The following CACNB4 variants were observed in gnomAD, a reference collection of about 807,000 sequenced individuals.
The protein encoded by CACNB4 is voltage-dependent L-type calcium channel subunit beta-4.
Under a neutral mutation model 71.2 loss-of-function variants are expected in CACNB4, and 32 were observed. That is an observed-to-expected ratio of 0.45 (90% CI 0.34 to 0.60). The LOEUF is 0.60. CACNB4 is among the 20% of genes least tolerant of loss of function. CACNB4 has a pLI of 0.01. For missense variants in CACNB4, 464 were observed against 647.9 expected (o/e 0.72, Z 3.08); for synonymous variants, 231 against 236.9 (o/e 0.97, Z 0.23).
Position 151,838,828 on chromosome 2 carries a change from G to T in CACNB4, c.*291C>A, listed in dbSNP as rs530993372. 1 of 217,976 alleles carries T rather than the reference G, an allele frequency of 4.6e-6. No homozygotes were observed. The highest frequency in any genetic ancestry group is 9.7e-5 in the East Asian group (1 of 10,296). The allele number at this position is 217,976 out of a possible 1,614,324, so 13.5% of individuals were successfully genotyped here. The stretch of plus-strand genomic sequence containing the variant: ...TGGGAAATTATTTTATATGTGCCTT[G>T]TAAGTACCCTAAATTACAAATTGAT... On this transcript the variant is annotated 3_prime_UTR_variant, in exon 14 of 14. Transcript: ENST00000539935.
intron 13 of CACNB4, among the ~76,000 whole-genome samples, chr2:151,840,059 C>A (rs981870721): frequency 5.3e-5 from 8 of 152,158 alleles, no homozygotes; most frequent in African/African-American, 1.9e-4. Flanking sequence ...TTGAAATTAG[C>A]ATCTTAAGAT....
intron 2 of CACNB4, among the ~76,000 whole-genome samples, chr2:152,034,137 G>A (rs1279947297): frequency 6.6e-6 from 1 of 152,318 alleles, no homozygotes; most frequent in East Asian, 1.9e-4. Context: ...AGATGGACTC[G>A]GAGTGGCTTT....
rs191510475 is a variant in CACNB4 at position 151,945,839 on chromosome 2, T to G, written c.148-62469A>C. On this transcript the variant is annotated intron_variant, in intron 2 of 13. Coordinates refer to ENST00000539935, the MANE Select transcript of CACNB4 (RefSeq NM_000726.5). ...CTGCAGTGAGCTAAGATTATTGCAC[T>G]TCAGCCTGTGTGATGGAGCAAGATG... Among the ~76,000 whole-genome samples the G allele has an allele frequency of 2.3e-3, 346 of 148,764 alleles. 3 individuals carry two copies. The highest frequency in any genetic ancestry group is 8.3e-3 in the African/African-American group (333 of 40,126).
intron 2 of CACNB4, among the ~76,000 whole-genome samples, chr2:151,914,100 T>C (rs2099856897): frequency 6.6e-6 from 1 of 152,182 alleles, no homozygotes; most frequent in Non-Finnish European, 1.5e-5. Flanking sequence ...CTCCATCTCC[T>C]TCTGGTATCC....
chr2:151,929,664 A>C (rs1338803618), intron 2 of CACNB4, among the ~76,000 whole-genome samples: 2 of 152,206 alleles, frequency 1.3e-5, no homozygotes, highest in Non-Finnish European at 2.9e-5. Context: ...GCATCAACTA[A>C]AAAAACTAAG....
At chr2:151,870,743 T>A (rs1044622919) in intron 7 of CACNB4, 99 bp downstream of exon 7, 8 of 1,220,180 alleles carry the variant, frequency 6.6e-6, no homozygotes, top group Non-Finnish European at 9.5e-6. Context: ...AGGAGGCTCT[T>A]CCCTTATTTT....
At chr2:152,095,658 T>C (rs1688225422) in intron 2 of CACNB4, among the ~76,000 whole-genome samples, 1 of 152,088 alleles carries the variant, frequency 6.6e-6, no homozygotes, top group Non-Finnish European at 1.5e-5. Flanking sequence ...TCTGTTTTTG[T>C]TTGTTTGTTT....
intron 2 of CACNB4, among the ~76,000 whole-genome samples, chr2:151,917,711 CT>C (rs1349836799): frequency 6.6e-6 from 1 of 151,754 alleles, no homozygotes; most frequent in Admixed American, 6.6e-5. Flanking sequence ...TGGCAGGTGC[CT>C]GTAATCCCAA....
At chr2:152,095,829 T>C (rs916741272) in intron 2 of CACNB4, among the ~76,000 whole-genome samples, 1 of 152,114 alleles carries the variant, frequency 6.6e-6, no homozygotes, top group African/African-American at 2.4e-5. Context: ...TTTCTTTGTA[T>C]TTTTAGTACA....
intron 2 of CACNB4, among the ~76,000 whole-genome samples, chr2:152,000,398 A>C (rs1291597623): frequency 2.0e-5 from 3 of 152,232 alleles, no homozygotes; most frequent in Non-Finnish European, 4.4e-5. Context: ...CTCATCTGTA[A>C]AATGGGAATA....
intron 2 of CACNB4, among the ~76,000 whole-genome samples, chr2:152,053,494 T>G (rs1452520754): frequency 6.6e-6 from 1 of 151,754 alleles, no homozygotes; most frequent in East Asian, 1.9e-4. Context: ...TGTAAGTGTT[T>G]CCCTGGGTTC....
At chr2:151,847,099 C>CAAAAAAAAAAAA (rs397766580) in intron 12 of CACNB4, among the ~76,000 whole-genome samples, 1 of 79,776 alleles carries the variant, frequency 1.3e-5, no homozygotes, top group Non-Finnish European at 2.6e-5. Context: ...AAACTGACAC[C>CAAAAAAAAAAAA]AAAAAAAAAA....
intron 2 of CACNB4, among the ~76,000 whole-genome samples, chr2:152,012,526 C>T (rs1240262522): frequency 3.3e-5 from 5 of 151,386 alleles, no homozygotes; most frequent in Non-Finnish European, 7.4e-5. Flanking sequence ...ATTGCTTGAA[C>T]CCGGGAGGCG....
At chr2:152,027,020 C>T (rs1471613969) in intron 2 of CACNB4, among the ~76,000 whole-genome samples, 1 of 152,100 alleles carries the variant, frequency 6.6e-6, no homozygotes, top group Non-Finnish European at 1.5e-5. Flanking sequence ...GATTCTTCTA[C>T]CCCAGCCTCC....
intron 2 of CACNB4, among the ~76,000 whole-genome samples, chr2:152,061,084 G>A (rs2105332014): frequency 6.6e-6 from 1 of 152,240 alleles, no homozygotes; most frequent in East Asian, 1.9e-4. Context: ...CAGGTGGGAG[G>A]ATCTCTTGAG....
At chr2:152,048,684 T>C (rs772671549) in intron 2 of CACNB4, 1 of 152,226 alleles carries the variant, frequency 6.6e-6, no homozygotes, top group Non-Finnish European at 1.5e-5. Flanking sequence ...CCTGCACCCA[T>C]GGGATGGAAA....
intron 2 of CACNB4, among the ~76,000 whole-genome samples, chr2:151,980,676 C>T (rs1244728846): frequency 2.0e-5 from 3 of 152,162 alleles, no homozygotes; most frequent in Admixed American, 6.5e-5. Context: ...AAAGAGCTCA[C>T]AAAGTGAAAT....
At chr2:152,094,824 T>C (rs1688180635) in intron 2 of CACNB4, among the ~76,000 whole-genome samples, 1 of 152,232 alleles carries the variant, frequency 6.6e-6, no homozygotes, top group Non-Finnish European at 1.5e-5. Context: ...AATCCATTCA[T>C]AAATAGCCTG....
At chr2:151,967,290 A>G (rs2099871395) in intron 2 of CACNB4, 1 of 152,332 alleles carries the variant, frequency 6.6e-6, no homozygotes, top group African/African-American at 2.4e-5. Flanking sequence ...TCCTGAGCTC[A>G]AGCAATCTGC....
Sources: allele counts gnomAD v4.1 joint callset (sites outside exome capture counted in the v4.1 genomes callset), GRCh38; gene constraint gnomAD v4.1.1; transcripts MANE v1.5; gene names NCBI Gene and HGNC (gene_info 2026-07-23, HGNC 2026-07-21).